MAP4K2: variants seen among roughly 807,000 people sequenced by gnomAD.
MAP4K2 encodes mitogen-activated protein kinase kinase kinase kinase 2.
A neutral mutation model predicts 125.3 loss-of-function variants in MAP4K2; 85 were observed. That is an observed-to-expected ratio of 0.68 (90% confidence interval 0.57 to 0.81). The LOEUF (loss-of-function observed/expected upper bound fraction) is 0.81. Ranked by LOEUF, MAP4K2 falls within the 40% of genes least tolerant of loss-of-function variation. The pLI is 0.00. For synonymous variants in MAP4K2, 479 were observed against 445.1 expected (o/e 1.08, Z -0.96); for missense variants, 923 against 1,056.4 (o/e 0.87, Z 1.75).
Position 64,797,128 on chromosome 11 carries a change from G to C in MAP4K2, c.1341C>G (p.Thr447=), listed in dbSNP as rs1940857718. The C allele has an allele frequency of 2.5e-6, 4 of 1,614,054 alleles. No homozygotes were observed. In the Admixed American group the frequency reaches 6.7e-5, roughly 27 times the overall value. ...SSPLLPTAWA[T]MKQREDPERS... ...CCTCAGGATCCTCCCGCTGCTTCAT[G>C]GTGGCCCAGGCCGTGGGCAGCAGTG... The change falls in exon 19 of 32, where the codon ACC becomes ACG. Residue 447 remains threonine, a synonymous_variant. Transcript: ENST00000294066.
At chr11:64,789,827 TC>T (rs769304982) in intron 30 of MAP4K2, 42 bp from the exon 31 acceptor site, 1 of 1,613,966 alleles carries the variant, frequency 6.2e-7, no homozygotes, top group Non-Finnish European at 8.5e-7. Context: ...CTCCAGTAGG[TC>T]CTTTCCAAAG....
rs1477927812 is a variant in MAP4K2 at position 64,791,789 on chromosome 11, G to T, written c.2092+120C>A. ...CAGACCCCACATGGCAGCCCTCAAG[G>T]TCTCTGTGGAGCCACTGGCTGTGGG... On this transcript the variant is annotated intron_variant, in intron 27 of 31. Transcript: ENST00000294066. 4.5e-6 allele frequency: 5 copies of T among 1,102,378 alleles called. No homozygotes were observed. In the African/African-American group the frequency reaches 6.3e-5, roughly 14 times the overall value. The allele number at this position is 1,102,378 out of a possible 1,614,324, so 68.3% of individuals were successfully genotyped here. A position where few individuals can be genotyped will look rare whatever the true frequency, so the allele number is the denominator to read the frequency against.
chr11:64,797,025 T>C lies in MAP4K2; in HGVS notation c.1366-2A>G. 4 of 1,613,992 alleles carry C rather than the reference T, an allele frequency of 2.5e-6. No individual in the cohort carries two copies. The highest frequency in any genetic ancestry group is 1.1e-5 in the South Asian group (1 of 91,084). Reference sequence around the variant, plus strand: ...GGGGAGCCCGTGGCAGGATGACCTCTGGGAGGGAGGAAAGGAGTCAGGGCT... The same window carrying C: ...GGGGAGCCCGTGGCAGGATGACCTCCGGGAGGGAGGAAAGGAGTCAGGGCT... On this transcript the variant is annotated splice_acceptor_variant, in intron 19 of 31. Coordinates refer to ENST00000294066, the MANE Select transcript of MAP4K2 (RefSeq NM_004579.5). LOFTEE classifies it high-confidence loss of function.
chr11:64,794,367 C>CT (rs71049660), intron 24 of MAP4K2, among the ~76,000 whole-genome samples: 111,057 of 148,246 alleles, frequency 0.75, 43,709 homozygotes, highest in Non-Finnish European at 0.9. Context: ...TTCTGTTTTT[C>CT]TTTTTTTTTT....
At position 64,802,903 on chromosome 11, in the gene MAP4K2, T is replaced by A; in HGVS notation, c.136A>T (p.Ile46Leu). 1 of 1,601,066 alleles carries A rather than the reference T, an allele frequency of 6.2e-7. No individual in the cohort carries two copies. The highest frequency in any genetic ancestry group is 8.5e-7 in the Non-Finnish European group (1 of 1,174,592). Reference sequence around the variant, plus strand: ...CCCTCACCTGGGTCTAGCTTGACTATCTTCACGGCGGCCAGTTCGGACGTG... The same window carrying A: ...CCCTCACCTGGGTCTAGCTTGACTAACTTCACGGCGGCCAGTTCGGACGTG... Reference protein sequence around the residue: ...TVTSELAAVKIVKLDPGDDIS... With the variant: ...TVTSELAAVKLVKLDPGDDIS... The change falls in exon 2 of 32, where the codon ATA (isoleucine) becomes TTA (leucine). Residue 46 changes from isoleucine to leucine, a missense_variant. Coordinates refer to ENST00000294066, the MANE Select transcript of MAP4K2 (RefSeq NM_004579.5).
intron 2 of MAP4K2, 74 bp downstream of exon 2, chr11:64,802,811 A>G: frequency 1.3e-6 from 2 of 1,523,162 alleles, no homozygotes; most frequent in Non-Finnish European, 1.8e-6. Context: ...GGAAACGTCA[A>G]CCCTCCGCCC....
chr11:64,800,287 C>T (rs757524713), intron 11 of MAP4K2, 24 bp downstream of exon 11: 1 of 1,613,472 alleles, frequency 6.2e-7, no homozygotes, highest in Non-Finnish European at 8.5e-7. Flanking sequence ...TACTGGGCCT[C>T]TCTCCCGGCC....
Position 64,792,277 on chromosome 11 carries a change from T to A in MAP4K2, c.1811-2A>T. On this transcript the variant is annotated splice_acceptor_variant, in intron 25 of 31. Coordinates refer to ENST00000294066, the MANE Select transcript of MAP4K2 (RefSeq NM_004579.5). LOFTEE classifies it high-confidence loss of function. The stretch of plus-strand genomic sequence containing the variant: ...TGGCACCCGTGTAGGGGTTCCGCAC[T>A]GGCAGGGGAGCAGGCAGTGGGCACC... The A allele has an allele frequency of 6.2e-7, 1 of 1,608,322 alleles. No homozygotes were observed. The highest frequency in any genetic ancestry group is 8.5e-7 in the Non-Finnish European group (1 of 1,177,994).
At position 64,799,408 on chromosome 11, in the gene MAP4K2, C is replaced by T. The variant is rs781731307; in HGVS notation, c.1053+13G>A. ...TCTGGGCACCACCTTCCCCTCAAGG[C>T]CTGCCCACTCACCGGCTCATTCAGT... On this transcript the variant is annotated intron_variant, in intron 14 of 31. Transcript: ENST00000294066. 4 of 1,612,450 alleles carry T rather than the reference C, an allele frequency of 2.5e-6. No homozygotes were observed. The highest frequency in any genetic ancestry group is 4.5e-5 in the East Asian group (2 of 44,878).
In MAP4K2 at chr11:64,802,946, C is replaced by A; in HGVS notation, c.97-4G>T. 3.8e-6 allele frequency: 6 copies of A among 1,574,928 alleles called. No homozygotes were observed. The South Asian group carries it at 6.9e-5, about 18-fold the overall frequency. The stretch of plus-strand genomic sequence containing the variant: ...CGGACGTGACCGTGTCGCGGGCCTG[C>A]AGGGGCGGAGGGTGAAGCGGGATGG... On this transcript the variant is annotated splice_region_variant and splice_polypyrimidine_tract_variant and intron_variant, in intron 1 of 31. Coordinates refer to ENST00000294066, the MANE Select transcript of MAP4K2 (RefSeq NM_004579.5).
In MAP4K2 at chr11:64,802,114, C is replaced by T; in HGVS notation, c.318G>A (p.Gly106=). Residue 106 remains glycine, a synonymous_variant, in exon 5 of 32, where the codon GGG becomes GGA. Transcript: ENST00000294066. ...AGGCAATCTGCCGCTCCTCCAGGGGCCCAGTGGCTGAAAGGAAAAGGGAGA... is the reference window on the plus strand; with the variant it reads ...AGGCAATCTGCCGCTCCTCCAGGGGTCCAGTGGCTGAAAGGAAAAGGGAGA... ...GSLQEIYHAT[G]PLEERQIAYV... is the part of the protein sequence containing the mutation. 1 of 1,613,016 alleles carries T rather than the reference C, an allele frequency of 6.2e-7. No individual in the cohort carries two copies. Among genetic ancestry groups the T allele is most frequent in the Non-Finnish European group, 8.5e-7 (1 of 1,179,918 alleles).
rs1157504394 is a variant in MAP4K2, at chr11:64,801,121, T to C, written c.520A>G (p.Thr174Ala). ...CAGGCGCAGCCTCACCAGTAGGGAG[T>C]CCCAATGAAAGACCTCCTCTTGGCC... ...SVAKRRSFIG[T>A]PYWMAPEVAA... The change falls in exon 8 of 32, where the codon ACT becomes GCT. Residue 174 changes from threonine to alanine, a missense_variant. Coordinates refer to ENST00000294066, the MANE Select transcript of MAP4K2 (RefSeq NM_004579.5). 5.6e-6 allele frequency: 9 copies of C among 1,613,154 alleles called. No individual in the cohort carries two copies. The highest frequency in any genetic ancestry group is 7.6e-6 in the Non-Finnish European group (9 of 1,179,886).
Position 64,792,173 on chromosome 11 carries a change from T to C in MAP4K2, c.1913A>G (p.Lys638Arg), listed in dbSNP as rs749771789. The change falls in exon 26 of 32, where the codon AAG becomes AGG. Residue 638 changes from lysine to arginine, a missense_variant and splice_region_variant. Around this residue, in one of 2 missense-constraint regions of MAP4K2, gnomAD observed 833 missense variants for 911.4 expected, o/e 0.91. Transcript: ENST00000294066. ...GGGCCTCCCCCCACCGCCCCTCACC[T>C]TCAGCAGCAGAAACTTCTGCAGCGG... ...YEPLQKFLLLKNFSSPLPSPA... is the reference protein window; with the variant it reads ...YEPLQKFLLLRNFSSPLPSPA... The C allele has an allele frequency of 6.2e-7, 1 of 1,609,678 alleles. No homozygotes were observed. The highest frequency in any genetic ancestry group is 1.1e-5 in the South Asian group (1 of 90,394).
chr11:64,799,703 G>C lies in MAP4K2; in HGVS notation c.916-20C>G. 6.2e-7 allele frequency: 1 copy of C among 1,606,184 alleles called. No homozygotes were observed. Among genetic ancestry groups the C allele is most frequent in the Non-Finnish European group, 8.5e-7 (1 of 1,173,734 alleles). On this transcript the variant is annotated intron_variant, in intron 12 of 31. Transcript: ENST00000294066. ...ATAGGTCTAAGGAAAAACAGAAACA[G>C]TGTGGACACACCTGGCACGCGCCTC...
At chr11:64,794,344 G>C (rs1940664363) in intron 24 of MAP4K2, among the ~76,000 whole-genome samples, 1 of 147,784 alleles carries the variant, frequency 6.8e-6, no homozygotes, top group Non-Finnish European at 1.5e-5. Flanking sequence ...ATCAGAATCT[G>C]ACTGTTTTTC....
chr11:64,799,235 T>C (rs1427987586), intron 14 of MAP4K2, among the ~76,000 whole-genome samples, 186 bp downstream of exon 14: 1 of 152,166 alleles, frequency 6.6e-6, no homozygotes, highest in Non-Finnish European at 1.5e-5. Context: ...CTAAAAGAAC[T>C]TGGCCCAGGA....
Position 64,796,353 on chromosome 11 carries a change from G to A in MAP4K2, c.1671C>T (p.Gly557=). 4 of 1,585,274 alleles carry A rather than the reference G, an allele frequency of 2.5e-6. No homozygotes were observed. The highest frequency in any genetic ancestry group is 3.4e-6 in the Non-Finnish European group (4 of 1,164,606). ...STHIWAHDLP[G]LFEQRRLQQQ... Reference sequence around the variant, plus strand: ...GCTGTAGCCTCCGCTGCTCAAACAGGCCTGGGAGGTCATGGGCCCAGATGT... The same window carrying A: ...GCTGTAGCCTCCGCTGCTCAAACAGACCTGGGAGGTCATGGGCCCAGATGT... The change falls in exon 24 of 32, where the codon GGC becomes GGT. Residue 557 remains glycine (G), a synonymous_variant. Transcript: ENST00000294066.
intron 28 of MAP4K2, 34 bp from the exon 29 acceptor site, chr11:64,790,308 G>A (rs1940401546): frequency 6.2e-7 from 1 of 1,613,464 alleles, no homozygotes; most frequent in Admixed American, 1.7e-5. Context: ...GTGGGGACGG[G>A]GAGGCTCCCT....
intron 12 of MAP4K2, among the ~76,000 whole-genome samples, 159 bp downstream of exon 12, chr11:64,799,950 A>G (rs1941060903): frequency 6.6e-6 from 1 of 152,214 alleles, no homozygotes; most frequent in Non-Finnish European, 1.5e-5. Flanking sequence ...GGTACAGGAA[A>G]CAAAAGTCAG....
Sources: allele counts gnomAD v4.1 joint callset (sites outside exome capture counted in the v4.1 genomes callset), GRCh38; gene constraint gnomAD v4.1.1; regional missense constraint gnomAD v4.1.1; transcripts MANE v1.5; gene names NCBI Gene and HGNC (gene_info 2026-07-23, HGNC 2026-07-21).